ARHGAP28: variants seen among roughly 807,000 people sequenced by gnomAD.
ARHGAP28 encodes rho GTPase-activating protein 28.
In ARHGAP28, 56 loss-of-function variants were observed where a neutral mutation model predicts 90.7. That is an observed-to-expected ratio of 0.62 (90% CI 0.50 to 0.77). ARHGAP28 has a LOEUF of 0.77. Ranked by LOEUF, ARHGAP28 falls within the 30% of genes least tolerant of loss-of-function variation. ARHGAP28 has a pLI of 0.00. For synonymous variants in ARHGAP28, 308 were observed against 323.3 expected (o/e 0.95, Z 0.51); for missense variants, 869 against 900.9 (o/e 0.96, Z 0.45).
intron 3 of ARHGAP28, 132 bp from the exon 4 acceptor site, chr18:6,850,902 T>A: frequency 1.3e-6 from 2 of 1,531,282 alleles, no homozygotes; most frequent in Non-Finnish European, 1.8e-6. Flanking sequence ...AATGCCCAGG[T>A]AGTCATTAAT....
chr18:6,866,018 A>G (rs1179801121), intron 5 of ARHGAP28, among the ~76,000 whole-genome samples: 1 of 152,122 alleles, frequency 6.6e-6, no homozygotes, highest in Non-Finnish European at 1.5e-5. Context: ...ACAAATCAAA[A>G]ACGATGCTAG....
At chr18:6,869,060 A>G (rs1444680429) in intron 6 of ARHGAP28, among the ~76,000 whole-genome samples, 2 of 152,142 alleles carry the variant, frequency 1.3e-5, no homozygotes, top group Non-Finnish European at 2.9e-5. Context: ...CTTAGTTGCA[A>G]TCATGCCACT....
At chr18:6,890,938 C>T (rs117353161) in intron 14 of ARHGAP28, among the ~76,000 whole-genome samples, 3,631 of 152,300 alleles carry the variant, frequency 0.024, 72 homozygotes, top group Non-Finnish European at 0.031. Flanking sequence ...AAAGGAATAG[C>T]TAATCCTTAA....
At chr18:6,841,194 T>TCCTCTC (rs1482711465) in intron 3 of ARHGAP28, among the ~76,000 whole-genome samples, 2 of 64,202 alleles carry the variant, frequency 3.1e-5, no homozygotes, top group Admixed American at 1.6e-4. Context: ...TCTCTCTCTC[T>TCCTCTC]CTCTCTCTCC....
intron 5 of ARHGAP28, among the ~76,000 whole-genome samples, chr18:6,865,092 A>G (rs1330388882): frequency 6.6e-6 from 1 of 151,998 alleles, no homozygotes; most frequent in South Asian, 2.1e-4. Context: ...ATTTTTTTAC[A>G]TTCTTTCTTG....
intron 7 of ARHGAP28, among the ~76,000 whole-genome samples, chr18:6,871,004 G>A (rs188130886): frequency 2.4e-4 from 37 of 152,286 alleles, no homozygotes; most frequent in African/African-American, 4.6e-4. Flanking sequence ...GTTTCACCAT[G>A]TTAGCCAGGA....
chr18:6,878,261 C>T (rs962978789), intron 10 of ARHGAP28, among the ~76,000 whole-genome samples: 6 of 147,782 alleles, frequency 4.1e-5, no homozygotes, highest in African/African-American at 7.5e-5. Flanking sequence ...AACCAAACAC[C>T]GCATGTTCTC....
At chr18:6,797,306 T>C (rs1308074494) in intron 1 of ARHGAP28, among the ~76,000 whole-genome samples, 1 of 152,190 alleles carries the variant, frequency 6.6e-6, no homozygotes, top group East Asian at 1.9e-4. Context: ...TCTCTGTCAC[T>C]TGGAGACTGG....
rs182562756 is a variant in ARHGAP28, at chr18:6,744,384, A to G, written c.122+14441A>G. Among the ~76,000 whole-genome samples the G allele has an allele frequency of 2.2e-3, 339 of 152,282 alleles. 3 individuals carry two copies. The Middle Eastern group carries it at 0.027, about 12-fold the overall frequency. ...ACTCAGTGACATACCCAATTTCTTC[A>G]TCTGGATTATGAGGGGCTCCATTAG... On this transcript the variant is annotated intron_variant, in intron 1 of 17. Transcript: ENST00000383472.
Position 6,913,274 on chromosome 18 carries a change from C to T in ARHGAP28, c.*1120C>T, listed in dbSNP as rs969610617. ...GAGCCATTTTCCAGACCTGTGATTG[C>T]CCAGAACACATAGTCCCCACGTTTC... On this transcript the variant is annotated 3_prime_UTR_variant, in exon 18 of 18. Coordinates refer to ENST00000383472, the MANE Select transcript of ARHGAP28 (RefSeq NM_001366230.1). 9.2e-5 allele frequency: 14 copies of T among 152,150 alleles called. No individual in the cohort carries two copies. Among genetic ancestry groups the T allele is most frequent in the African/African-American group, 3.1e-4 (13 of 41,420 alleles). The allele number at this position is 152,150 out of a possible 1,614,324, so 9.4% of individuals were successfully genotyped here.
At chr18:6,787,242 A>AT in intron 1 of ARHGAP28, among the ~76,000 whole-genome samples, 1 of 146,152 alleles carries the variant, frequency 6.8e-6, no homozygotes, top group South Asian at 2.1e-4. Flanking sequence ...AAAAAAAAAA[A>AT]GGATTGAAGT....
chr18:6,829,960 C>T (rs2056702349), intron 2 of ARHGAP28, among the ~76,000 whole-genome samples: 1 of 152,222 alleles, frequency 6.6e-6, no homozygotes, highest in Non-Finnish European at 1.5e-5. Flanking sequence ...ATGTCTGTCT[C>T]TTACCTTCTG....
intron 1 of ARHGAP28, among the ~76,000 whole-genome samples, chr18:6,732,330 AC>A (rs1354239951): frequency 6.6e-6 from 1 of 152,150 alleles, no homozygotes; most frequent in African/African-American, 2.4e-5. Flanking sequence ...ATGGCCAGCA[AC>A]GTGTTAGGCA....
intron 12 of ARHGAP28, among the ~76,000 whole-genome samples, chr18:6,889,074 C>T (rs2057244636): frequency 6.6e-6 from 1 of 152,150 alleles, no homozygotes; most frequent in Non-Finnish European, 1.5e-5. Context: ...ACGCCTGGCT[C>T]ACAGCAAACC....
At chr18:6,744,889 G>A (rs1429135357) in intron 1 of ARHGAP28, among the ~76,000 whole-genome samples, 3 of 151,980 alleles carry the variant, frequency 2.0e-5, no homozygotes, top group Middle Eastern at 3.4e-3. Context: ...GAGTATTCAC[G>A]AAAAACTTCT....
At position 6,736,427 on chromosome 18, in the gene ARHGAP28, T is replaced by C. The variant is rs570862328; in HGVS notation, c.122+6484T>C. On this transcript the variant is annotated intron_variant, in intron 1 of 17. Coordinates refer to ENST00000383472, the MANE Select transcript of ARHGAP28 (RefSeq NM_001366230.1). Reference sequence around the variant, plus strand: ...ATTTCTGTGATTTTTTGGAAGCAAATGTTTATTAATAGGCTCAAAGGAAAA... The same window carrying C: ...ATTTCTGTGATTTTTTGGAAGCAAACGTTTATTAATAGGCTCAAAGGAAAA... Among the ~76,000 whole-genome samples the C allele has an allele frequency of 9.2e-5, 14 of 152,036 alleles. No individual in the cohort carries two copies. In the South Asian group the frequency reaches 2.3e-3, roughly 25 times the overall value.
chr18:6,889,787 A>G, intron 12 of ARHGAP28, 101 bp from the exon 13 acceptor site: 1 of 1,092,616 alleles, frequency 9.2e-7, no homozygotes, highest in Non-Finnish European at 1.4e-6. Flanking sequence ...TACTTCTGAC[A>G]GTTCTCTGGC....
intron 1 of ARHGAP28, among the ~76,000 whole-genome samples, chr18:6,738,089 C>T (rs2055943930): frequency 6.6e-6 from 1 of 152,134 alleles, no homozygotes; most frequent in Admixed American, 6.5e-5. Flanking sequence ...TGCATACAAA[C>T]ACACAATACA....
At chr18:6,868,543 T>C (rs1163491584) in intron 6 of ARHGAP28, among the ~76,000 whole-genome samples, 1 of 152,128 alleles carries the variant, frequency 6.6e-6, no homozygotes, top group Non-Finnish European at 1.5e-5. Context: ...TGATGTGGTC[T>C]GCCAGGAGTA....
Sources: allele counts gnomAD v4.1 joint callset (sites outside exome capture counted in the v4.1 genomes callset), GRCh38; gene constraint gnomAD v4.1.1; transcripts MANE v1.5; gene names NCBI Gene and HGNC (gene_info 2026-07-23, HGNC 2026-07-21).